The following FRMPD3 variants were observed in gnomAD, a reference collection of about 807,000 sequenced individuals.
FRMPD3 encodes the protein FERM and PDZ domain containing 3.
In FRMPD3, 42 loss-of-function variants were observed where a neutral mutation model predicts 97.9. The ratio of observed to expected loss-of-function variants is 0.43; its 90% confidence interval spans 0.34 to 0.55. The LOEUF is 0.55. Among genes scored for constraint, FRMPD3 ranks in the 20% least tolerant of loss-of-function variants. FRMPD3 has a pLI of 0.03. For synonymous variants in FRMPD3, 577 were observed against 581.1 expected (o/e 0.99, Z 0.10); for missense variants, 1,303 against 1,457.7 (o/e 0.89, Z 1.73).
chrX:107,604,546 G>GCCACCACCA lies in FRMPD3; in HGVS notation c.*1176_*1184dup, dbSNP rs1340848247. On this transcript the variant is annotated 3_prime_UTR_variant, in exon 15 of 15. Transcript: ENST00000683843. ...CACACCTCCTATTGCCACCACCGCT[G>GCCACCACCA]CCACCACCACCGCCACCACCGCTGC... is the stretch of plus-strand genomic sequence containing the variant. 1 of 106,424 alleles carries GCCACCACCA rather than the reference G, an allele frequency of 9.4e-6. No homozygotes were observed. Among genetic ancestry groups the GCCACCACCA allele is most frequent in the East Asian group, 3.1e-4 (1 of 3,276 alleles). The allele number at this position is 106,424 out of a possible 1,213,427, so 8.8% of individuals were successfully genotyped here.
chrX:107,453,028 C>T (rs761265), intron 1 of FRMPD3, among the ~76,000 whole-genome samples: 3,505 of 110,363 alleles, frequency 0.032, 162 homozygotes, highest in African/African-American at 0.11. Flanking sequence ...TGCAGGACAA[C>T]GGAAGCACTC....
chrX:107,457,296 T>C (rs1055425267), intron 1 of FRMPD3, among the ~76,000 whole-genome samples: 76 of 111,950 alleles, frequency 6.8e-4, no homozygotes, highest in African/African-American at 2.3e-3. Context: ...CATTTGATAA[T>C]GTTTGGAAAA....
intron 8 of FRMPD3, chrX:107,555,188 T>C (rs1922027763): frequency 1.8e-5 from 2 of 112,200 alleles, no homozygotes; most frequent in Non-Finnish European, 3.8e-5. Flanking sequence ...TACAAAGCCA[T>C]GGTGGCATGA....
At chrX:107,561,273 A>C (rs903618726) in intron 10 of FRMPD3, among the ~76,000 whole-genome samples, 2 of 111,975 alleles carry the variant, frequency 1.8e-5, no homozygotes, top group African/African-American at 6.5e-5. Flanking sequence ...CCAAAGCAGG[A>C]AGATCACTTG....
At chrX:107,563,400 C>T (rs1285029397) in intron 11 of FRMPD3, among the ~76,000 whole-genome samples, 200 bp downstream of exon 11, 1 of 111,969 alleles carries the variant, frequency 8.9e-6, no homozygotes, top group East Asian at 2.8e-4. Context: ...CCTCCATGAC[C>T]TTTTTTTGTT....
At chrX:107,565,108 C>T in intron 12 of FRMPD3, 42 bp downstream of exon 12, 1 of 1,071,914 alleles carries the variant, frequency 9.3e-7, no homozygotes, top group Non-Finnish European at 1.2e-6. Context: ...TAGGAACAGG[C>T]CTTGGGAATA....
intron 1 of FRMPD3, among the ~76,000 whole-genome samples, chrX:107,479,863 CACAGAG>C (rs1921297688): frequency 9.6e-6 from 1 of 104,320 alleles, no homozygotes; most frequent in Admixed American, 1.0e-4. Context: ...CACACACACA[CACAGAG>C]AGAGAGAGAG....
rs1250490537 is a variant in FRMPD3, at chrX:107,554,446, A to G, written c.704A>G (p.Lys235Arg). 1 of 1,208,559 alleles carries G rather than the reference A, an allele frequency of 8.3e-7. No homozygotes were observed. Among genetic ancestry groups the G allele is most frequent in the African/African-American group, 1.7e-5 (1 of 57,184 alleles). Residue 235 changes from lysine to arginine, a missense_variant, in exon 8 of 15, where the codon AAA (lysine) becomes AGA (arginine). Around this residue, in one of 3 missense-constraint regions of FRMPD3, gnomAD observed 535 missense variants for 618.6 expected, o/e 0.86. Coordinates refer to ENST00000683843, the MANE Select transcript of FRMPD3 (RefSeq NM_001388459.1). ...KCLFRISFFP[K>R]DPVELLRRDP... ...CTCTTCCGAATAAGCTTCTTTCCCA[A>G]AGACCCTGTGGAGCTGCTGCGTCGG...
rs1922809601 is a variant in FRMPD3 at position 107,528,904 on chromosome X, CCTCAGCACATAGG to C, written c.149-1501_149-1489del. Reference sequence around the variant, plus strand: ...CTGCTGCCTGTGCTGGCACAGCCATCCTCAGCACATAGGCTCTACACTCCAGAGCCATTGAGCT... The same window carrying C: ...CTGCTGCCTGTGCTGGCACAGCCATCCTCTACACTCCAGAGCCATTGAGCT... On this transcript the variant is annotated intron_variant, in intron 2 of 14. Transcript: ENST00000683843. Among the ~76,000 whole-genome samples, 3 of 113,058 alleles carry C rather than the reference CCTCAGCACATAGG, an allele frequency of 2.7e-5. No individual in the cohort carries two copies. The Admixed American group carries it at 2.8e-4, about 11-fold the overall frequency.
chrX:107,516,861 G>A (rs1342427708), intron 1 of FRMPD3, among the ~76,000 whole-genome samples: 1 of 111,082 alleles, frequency 9.0e-6, no homozygotes, highest in Admixed American at 9.6e-5. Flanking sequence ...CTTTTGCTGT[G>A]CAGAAGCTCT....
chrX:107,491,559 T>C lies in FRMPD3; in HGVS notation c.-7-35023T>C, dbSNP rs144047134. 3.1e-3 allele frequency among the ~76,000 whole-genome samples: 353 copies of C among 112,495 alleles called. 5 individuals are homozygous for C. Among genetic ancestry groups the C allele is most frequent in the Admixed American group, 0.028 (297 of 10,678 alleles). On this transcript the variant is annotated intron_variant, in intron 1 of 14. Transcript: ENST00000683843. ...CTTCTGTGTTGTACTACCTCTCGTA[T>C]TAGGGGCTCTGCCTACAAAGAGGTT...
chrX:107,508,345 C>A (rs904290903), intron 1 of FRMPD3, among the ~76,000 whole-genome samples: 2 of 111,958 alleles, frequency 1.8e-5, no homozygotes, highest in Non-Finnish European at 3.8e-5. Flanking sequence ...AAAGGCAAAC[C>A]GAGTGCGCTA....
At chrX:107,458,538 T>C (rs966741932) in intron 1 of FRMPD3, among the ~76,000 whole-genome samples, 6 of 110,915 alleles carry the variant, frequency 5.4e-5, no homozygotes, top group Non-Finnish European at 1.1e-4. Context: ...AGGCACAGCA[T>C]AGGGAAAAGG....
rs778726589 is a variant in FRMPD3 at position 107,601,719 on chromosome X, G to T, written c.3680G>T (p.Arg1227Leu). Residue 1227 changes from arginine (R) to leucine (L), a missense_variant, in exon 15 of 15, where the codon CGC (arginine) becomes CTC (leucine). By Grantham distance (102) the Arg-to-Leu change is moderately radical (BLOSUM62 -2). Around this residue, in one of 3 missense-constraint regions of FRMPD3, gnomAD observed 764 missense variants for 820.2 expected, o/e 0.93. Coordinates refer to ENST00000683843, the MANE Select transcript of FRMPD3 (RefSeq NM_001388459.1). ...RNLFSATFPT[R>L]QKKETDERQA... ...TTATTCTCTGCCACCTTCCCAACCC[G>T]CCAGAAGAAGGAGACAGATGAGCGG... is the stretch of plus-strand genomic sequence containing the variant. 1.7e-6 allele frequency: 2 copies of T among 1,211,113 alleles called. No homozygotes were observed. The highest frequency in any genetic ancestry group is 1.7e-5 in the African/African-American group (1 of 57,902).
At chrX:107,573,265 C>T (rs1201694508) in intron 12 of FRMPD3, among the ~76,000 whole-genome samples, 1 of 111,036 alleles carries the variant, frequency 9.0e-6, no homozygotes, top group East Asian at 2.8e-4. Context: ...GAAGCAGTGG[C>T]AGTAGGGATG....
intron 1 of FRMPD3, among the ~76,000 whole-genome samples, chrX:107,501,619 T>C (rs1038503326): frequency 2.9e-5 from 3 of 101,862 alleles, no homozygotes; most frequent in African/African-American, 1.1e-4. Flanking sequence ...TTGTAAAAAA[T>C]ACTGACATAG....
At chrX:107,591,281 C>T (rs1923888898) in intron 13 of FRMPD3, among the ~76,000 whole-genome samples, 2 of 110,018 alleles carry the variant, frequency 1.8e-5, no homozygotes, top group Non-Finnish European at 3.8e-5. Flanking sequence ...CCTCAGCCTC[C>T]CAAGTAGCTG....
At chrX:107,534,318 C>G (rs2052383559) in intron 4 of FRMPD3, among the ~76,000 whole-genome samples, 1 of 111,475 alleles carries the variant, frequency 9.0e-6, no homozygotes. Context: ...AGAGCCCTCA[C>G]TCTACCTCCA....
intron 1 of FRMPD3, among the ~76,000 whole-genome samples, chrX:107,519,541 T>C (rs1374021384): frequency 9.0e-6 from 1 of 111,678 alleles, no homozygotes; most frequent in Admixed American, 9.5e-5. Flanking sequence ...TGGTAACTTT[T>C]ATGTTATGGA....
Sources: gnomAD v4.1 joint callset for allele counts (sites outside exome capture counted in the v4.1 genomes callset) on GRCh38, gnomAD v4.1.1 for gene constraint, gnomAD v4.1.1 regional missense constraint, MANE v1.5 for transcripts, NCBI Gene and HGNC (gene_info 2026-07-23, HGNC 2026-07-21) for gene names.